Variants in CDH18 observed in about 807,000 individuals in gnomAD.
CDH18 encodes cadherin 18.
CDH18 carries 31 observed loss-of-function variants against 67.9 expected under a neutral mutation model. The ratio of observed to expected loss-of-function variants is 0.46; its 90% CI spans 0.34 to 0.62. The LOEUF is 0.62. CDH18 is among the 20% of genes least tolerant of loss of function. The pLI, the probability that CDH18 is intolerant of heterozygous loss-of-function variation, is 0.01. For missense variants in CDH18, 890 were observed against 975.5 expected (o/e 0.91, Z 1.17); for synonymous variants, 362 against 347.2 (o/e 1.04, Z -0.48).
intron 2 of CDH18, among the ~76,000 whole-genome samples, chr5:20,153,786 C>T (rs1459045567): frequency 6.6e-6 from 1 of 152,054 alleles, no homozygotes; most frequent in Non-Finnish European, 1.5e-5. Context: ...TATAGGGACA[C>T]CAGTTTTATT....
intron 1 of CDH18, among the ~76,000 whole-genome samples, chr5:20,530,364 C>T (rs1756322659): frequency 1.3e-5 from 2 of 151,698 alleles, no homozygotes; most frequent in Admixed American, 6.6e-5. Context: ...ATACTCTTCA[C>T]ACAATTAGAA....
intron 7 of CDH18, among the ~76,000 whole-genome samples, chr5:19,579,148 T>G (rs1742809622): frequency 1.3e-5 from 2 of 152,022 alleles, no homozygotes; most frequent in Non-Finnish European, 2.9e-5. Flanking sequence ...TATCACAGAC[T>G]GAAATTTGTG....
intron 3 of CDH18, among the ~76,000 whole-genome samples, chr5:19,763,869 C>T (rs998846285): frequency 6.6e-6 from 1 of 151,750 alleles, no homozygotes; most frequent in African/African-American, 2.4e-5. Flanking sequence ...GCACATGAGG[C>T]TGGGCACAGT....
intron 2 of CDH18, among the ~76,000 whole-genome samples, chr5:20,232,244 G>T (rs967212413): frequency 4.0e-5 from 6 of 151,858 alleles, no homozygotes; most frequent in Non-Finnish European, 8.8e-5. Context: ...GCAGTTTGTG[G>T]ATTGAATTTG....
At position 19,657,999 on chromosome 5, in the gene CDH18, C is replaced by T. The variant is rs574269039; in HGVS notation, c.644-45398G>A. ...GATAAATTACACTGGAGGAAATTGA[C>T]GATGCTTTGTATCTAGAATTTAATC... On this transcript the variant is annotated intron_variant, in intron 5 of 12. Transcript: ENST00000382275. 7.2e-5 allele frequency among the ~76,000 whole-genome samples: 11 copies of T among 152,148 alleles called. No individual in the cohort carries two copies. In the South Asian group the frequency reaches 8.3e-4, roughly 11 times the overall value.
In CDH18 at chr5:19,572,494, T is replaced by A. The variant is rs569255564; in HGVS notation, c.1000-662A>T. Among the ~76,000 whole-genome samples the A allele has an allele frequency of 4.5e-4, 69 of 152,108 alleles. 1 individual carries two copies. Among genetic ancestry groups the A allele is most frequent in the Non-Finnish European group, 2.6e-4 (18 of 68,016 alleles). ...GAGGCATTGTCCTTTACATTAAGGG[T>A]CAATATCATAGTCAATTCAGGTTGC... On this transcript the variant is annotated intron_variant, in intron 7 of 12. Transcript: ENST00000382275.
chr5:20,445,170 G>A (rs765550341), intron 1 of CDH18, among the ~76,000 whole-genome samples: 1 of 152,194 alleles, frequency 6.6e-6, no homozygotes, highest in Admixed American at 6.5e-5. Context: ...AATGGAGAAA[G>A]TGAATTTTGG....
At chr5:20,057,928 G>A (rs1250729898) in intron 2 of CDH18, among the ~76,000 whole-genome samples, 1 of 152,010 alleles carries the variant, frequency 6.6e-6, no homozygotes, top group South Asian at 2.1e-4. Flanking sequence ...TTTAAATAAT[G>A]CATTACCTTT....
In CDH18 at chr5:19,506,754, C is replaced by T. The variant is rs911951712; in HGVS notation, c.1513-3645G>A. 7.8e-4 allele frequency among the ~76,000 whole-genome samples: 118 copies of T among 152,250 alleles called. 2 individuals are homozygous for T. Among genetic ancestry groups the T allele is most frequent in the Non-Finnish European group, 1.4e-3 (97 of 68,020 alleles). On this transcript the variant is annotated intron_variant, in intron 10 of 12. Transcript: ENST00000382275. ...CTTACACCTTATACAAAAATTAATTCAAGATGGATTAAAGACTTAAATGTT... is the reference window on the plus strand; with the variant it reads ...CTTACACCTTATACAAAAATTAATTTAAGATGGATTAAAGACTTAAATGTT...
chr5:19,791,239 G>A (rs1466362295), intron 3 of CDH18, among the ~76,000 whole-genome samples: 1 of 151,900 alleles, frequency 6.6e-6, no homozygotes, highest in Non-Finnish European at 1.5e-5. Context: ...CAGTGCGTGT[G>A]GTAGTAAATA....
At chr5:20,547,272 G>T (rs1757392235) in intron 1 of CDH18, among the ~76,000 whole-genome samples, 2 of 152,084 alleles carry the variant, frequency 1.3e-5, no homozygotes, top group East Asian at 3.9e-4. Flanking sequence ...GATACTAAAA[G>T]AATCAAACTG....
chr5:20,208,038 C>A (rs1740050612), intron 2 of CDH18, among the ~76,000 whole-genome samples: 1 of 152,062 alleles, frequency 6.6e-6, no homozygotes. Flanking sequence ...TTATTTTCAA[C>A]AAAGATACCA....
At chr5:19,972,161 A>G (rs910752721) in intron 2 of CDH18, among the ~76,000 whole-genome samples, 1 of 152,046 alleles carries the variant, frequency 6.6e-6, no homozygotes, top group Non-Finnish European at 1.5e-5. Context: ...AACAAATTGA[A>G]TGAGTTTGTT....
At chr5:19,884,804 C>A (rs999724895) in intron 2 of CDH18, among the ~76,000 whole-genome samples, 5 of 151,900 alleles carry the variant, frequency 3.3e-5, no homozygotes, top group African/African-American at 1.2e-4. Context: ...TAAATCTTTA[C>A]AAAAATTTTT....
intron 2 of CDH18, among the ~76,000 whole-genome samples, chr5:19,936,408 G>C (rs1055456273): frequency 4.0e-5 from 6 of 151,240 alleles, no homozygotes; most frequent in Non-Finnish European, 8.9e-5. Flanking sequence ...TGTTCAAACA[G>C]AAAGTCCTTT....
intron 1 of CDH18, among the ~76,000 whole-genome samples, chr5:20,286,171 G>A (rs1215701869): frequency 6.6e-6 from 1 of 151,096 alleles, no homozygotes; most frequent in South Asian, 2.1e-4. Context: ...ATTTTAAATA[G>A]GATTTCAATG....
intron 5 of CDH18, among the ~76,000 whole-genome samples, chr5:19,690,724 T>A (rs1267566161): frequency 1.3e-5 from 2 of 151,572 alleles, no homozygotes. Flanking sequence ...CCAAGATTAA[T>A]TCAAGAAGAA....
chr5:20,529,113 C>T (rs942785722), intron 1 of CDH18, among the ~76,000 whole-genome samples: 8 of 152,046 alleles, frequency 5.3e-5, no homozygotes, highest in African/African-American at 1.9e-4. Flanking sequence ...ATACAATAAA[C>T]ACCTCTATGC....
At chr5:19,580,104 G>A (rs945285058) in intron 7 of CDH18, among the ~76,000 whole-genome samples, 5 of 151,702 alleles carry the variant, frequency 3.3e-5, no homozygotes, top group African/African-American at 9.7e-5. Context: ...TGCATACAAC[G>A]TGTAATAATC....
Sources: allele counts gnomAD v4.1 joint callset (sites outside exome capture counted in the v4.1 genomes callset), GRCh38; gene constraint gnomAD v4.1.1; transcripts MANE v1.5; gene names NCBI Gene and HGNC (gene_info 2026-07-23, HGNC 2026-07-21).